Variants in ACSS3 observed in about 807,000 individuals in gnomAD.
The protein encoded by ACSS3 is acyl-CoA synthetase short-chain family member 3, mitochondrial.
A neutral mutation model predicts 84.2 loss-of-function variants in ACSS3; 64 were observed. The observed-to-expected ratio is 0.76, with a 90% CI of 0.62 to 0.94. The LOEUF (loss-of-function observed/expected upper bound fraction) is 0.94. Among genes scored for constraint, ACSS3 ranks in the 40% least tolerant of loss-of-function variants. The probability of loss-of-function intolerance (pLI) is 0.00; values close to 1 mark genes in which losing one functional copy is unlikely to be tolerated. For synonymous variants in ACSS3, 317 were observed against 310.1 expected, an observed-to-expected ratio of 1.02 and a Z score of -0.23; for missense variants, 815 against 867.6, an observed-to-expected ratio of 0.94 and a Z score of 0.76.
At chr12:81,207,084 G>A (rs1053669920) in intron 9 of ACSS3, among the ~76,000 whole-genome samples, 2 of 152,116 alleles carry the variant, frequency 1.3e-5, no homozygotes, top group African/African-American at 4.8e-5. Flanking sequence ...ATAACATAAA[G>A]TTGTTTTGGC....
chr12:81,085,498 A>G lies in ACSS3; in HGVS notation c.311+7067A>G, dbSNP rs551804400. On this transcript the variant is annotated intron_variant, in intron 1 of 15. Coordinates refer to ENST00000548058, the MANE Select transcript of ACSS3 (RefSeq NM_024560.4). Reference sequence around the variant, plus strand: ...AAGTTAGTATTATCATGCCTTTTCTACATATGAGGGAATTGAATCTTAAGG... The same window carrying G: ...AAGTTAGTATTATCATGCCTTTTCTGCATATGAGGGAATTGAATCTTAAGG... Among the ~76,000 whole-genome samples the G allele has an allele frequency of 1.4e-4, 21 of 152,312 alleles. 1 individual carries two copies. The South Asian group carries it at 3.7e-3, about 27-fold the overall frequency.
intron 11 of ACSS3, among the ~76,000 whole-genome samples, chr12:81,221,473 G>C (rs150236214): frequency 1.6e-3 from 250 of 152,108 alleles, no homozygotes; most frequent in African/African-American, 5.9e-3. Flanking sequence ...TTAAAAAGAG[G>C]ATGTTTCTTC....
chr12:81,250,910 A>G (rs570402125), intron 13 of ACSS3, among the ~76,000 whole-genome samples: 1 of 152,174 alleles, frequency 6.6e-6, no homozygotes, highest in Non-Finnish European at 1.5e-5. Context: ...TACAGTAAGT[A>G]CTAAAACATA....
At chr12:81,121,378 A>G (rs1042900106) in intron 2 of ACSS3, among the ~76,000 whole-genome samples, 1 of 151,676 alleles carries the variant, frequency 6.6e-6, no homozygotes, top group Admixed American at 6.6e-5. Context: ...CATCTTTTAT[A>G]TTTGTCTTTC....
At chr12:81,223,704 A>T (rs538189334) in intron 11 of ACSS3, among the ~76,000 whole-genome samples, 1 of 152,124 alleles carries the variant, frequency 6.6e-6, no homozygotes, top group East Asian at 1.9e-4. Context: ...TGGGGAGATA[A>T]AAATAACTTC....
intron 13 of ACSS3, among the ~76,000 whole-genome samples, chr12:81,248,099 GT>G (rs1393339591): frequency 1.3e-5 from 2 of 152,008 alleles, no homozygotes; most frequent in East Asian, 3.9e-4. Context: ...CTCATACACG[GT>G]TAGTAGGAAT....
At chr12:81,252,597 G>A (rs766963965) in intron 13 of ACSS3, among the ~76,000 whole-genome samples, 10 of 151,886 alleles carry the variant, frequency 6.6e-5, no homozygotes, top group Admixed American at 3.9e-4. Context: ...TAAAAGTCCC[G>A]TCACCATATA....
chr12:81,189,140 C>CT (rs1456259366), intron 8 of ACSS3, among the ~76,000 whole-genome samples: 1 of 152,084 alleles, frequency 6.6e-6, no homozygotes, highest in East Asian at 1.9e-4. Context: ...CAGTTGAATT[C>CT]TTTTTTGATT....
At chr12:81,092,673 G>T (rs1881745914) in intron 1 of ACSS3, among the ~76,000 whole-genome samples, 1 of 152,122 alleles carries the variant, frequency 6.6e-6, no homozygotes, top group Non-Finnish European at 1.5e-5. Flanking sequence ...AGAAAAGAGA[G>T]AATAAAGGGA....
chr12:81,112,992 A>G (rs76403320), intron 2 of ACSS3, among the ~76,000 whole-genome samples: 3,696 of 152,274 alleles, frequency 0.024, 119 homozygotes, highest in Admixed American at 0.091. Flanking sequence ...TATTTTAAAT[A>G]ACCCTTTATT....
chr12:81,139,409 T>C, intron 4 of ACSS3, 144 bp downstream of exon 4: 1 of 954,076 alleles, frequency 1.0e-6, no homozygotes. Context: ...AATATATGAA[T>C]AAGACTTACT....
At chr12:81,126,959 G>A (rs10492006) in intron 2 of ACSS3, among the ~76,000 whole-genome samples, 53,301 of 151,558 alleles carry the variant, frequency 0.35, 11,865 homozygotes, top group Non-Finnish European at 0.5. Context: ...GTAAGATAGC[G>A]TTTTGTAATT....
intron 7 of ACSS3, among the ~76,000 whole-genome samples, chr12:81,155,125 T>G (rs190462579): frequency 6.6e-6 from 1 of 152,310 alleles, no homozygotes; most frequent in East Asian, 1.9e-4. Flanking sequence ...CACAGCACAG[T>G]GCATAGCACA....
intron 10 of ACSS3, 137 bp downstream of exon 10, chr12:81,217,133 T>A (rs2032948993): frequency 1.5e-5 from 9 of 588,716 alleles, no homozygotes; most frequent in Non-Finnish European, 2.6e-5. Context: ...TAAAAATGAA[T>A]GCCTTAATTT....
chr12:81,122,121 T>C (rs1368627344), intron 2 of ACSS3, among the ~76,000 whole-genome samples: 1 of 151,914 alleles, frequency 6.6e-6, no homozygotes, highest in Non-Finnish European at 1.5e-5. Context: ...TTAGTAGAGA[T>C]AGGGTTTCAC....
intron 2 of ACSS3, among the ~76,000 whole-genome samples, chr12:81,132,662 C>A (rs764421564): frequency 2.5e-4 from 38 of 151,682 alleles, no homozygotes; most frequent in Non-Finnish European, 2.2e-4. Context: ...ATTTTTTAAT[C>A]TCATTTCTTT....
rs12308861 is a variant in ACSS3, at chr12:81,205,787, T to A, written c.1354+6343T>A. Among the ~76,000 whole-genome samples, 1,418 of 152,176 alleles carry A rather than the reference T, an allele frequency of 9.3e-3. 22 individuals are homozygous for A. The highest frequency in any genetic ancestry group is 0.033 in the African/African-American group (1,359 of 41,556). ...TCTATATTTAGGCTATAATAAGGAA[T>A]TTTATATCCCTGGAATCAGCATTGA... On this transcript the variant is annotated intron_variant, in intron 9 of 15. Coordinates refer to ENST00000548058, the MANE Select transcript of ACSS3 (RefSeq NM_024560.4).
intron 13 of ACSS3, among the ~76,000 whole-genome samples, chr12:81,246,113 C>G (rs1749087762): frequency 6.6e-6 from 1 of 152,158 alleles, no homozygotes; most frequent in African/African-American, 2.4e-5. Context: ...CTGCAGAGAG[C>G]AAGTGGCACT....
intron 8 of ACSS3, among the ~76,000 whole-genome samples, chr12:81,183,115 G>T (rs2135848868): frequency 6.6e-6 from 1 of 152,218 alleles, no homozygotes; most frequent in African/African-American, 2.4e-5. Flanking sequence ...GCTGGCAAGG[G>T]GAAAAGTGGA....
Sources: allele counts gnomAD v4.1 joint callset (sites outside exome capture counted in the v4.1 genomes callset), GRCh38; gene constraint gnomAD v4.1.1; transcripts MANE v1.5; gene names NCBI Gene and HGNC (gene_info 2026-07-23, HGNC 2026-07-21).